AGBL4: variants seen among roughly 807,000 people sequenced by gnomAD.
The protein encoded by AGBL4 is AGBL carboxypeptidase 4, also known as cytosolic carboxypeptidase 6.
In AGBL4, 58 loss-of-function variants were observed where a neutral mutation model predicts 66.4. The observed-to-expected ratio is 0.87, with a 90% CI of 0.71 to 1.09. The LOEUF (loss-of-function observed/expected upper bound fraction) is 1.09, where lower values mean the gene tolerates loss of function less well. Among genes scored for constraint, AGBL4 ranks in the 50% least tolerant of loss-of-function variants. AGBL4 has a pLI of 0.00. For synonymous variants in AGBL4, 234 were observed against 222.9 expected (o/e 1.05, Z -0.44); for missense variants, 579 against 631.0 (o/e 0.92, Z 0.88).
chr1:49,426,256 A>C (rs537223281), intron 3 of AGBL4, among the ~76,000 whole-genome samples: 1 of 152,318 alleles, frequency 6.6e-6, no homozygotes, highest in East Asian at 1.9e-4. Flanking sequence ...ATGAGTTAAC[A>C]TTATTGCAGC....
intron 6 of AGBL4, among the ~76,000 whole-genome samples, chr1:48,709,203 C>T: frequency 6.6e-6 from 1 of 152,206 alleles, no homozygotes. Flanking sequence ...TCCGCCTTTC[C>T]TTTCACGAAG....
rs183493047 is a variant in AGBL4 at position 49,548,258 on chromosome 1, T to A, written c.282+149055A>T. ...TCGTATTGTCAGCAAACAGTGACCG[T>A]TTGACTTCCTCTTTACTGATTTGGA... On this transcript the variant is annotated intron_variant, in intron 3 of 13. Transcript: ENST00000371839. Among the ~76,000 whole-genome samples the A allele has an allele frequency of 2.0e-5, 3 of 152,356 alleles. No individual in the cohort carries two copies. In the East Asian group the frequency reaches 5.8e-4, roughly 29 times the overall value.
intron 5 of AGBL4, among the ~76,000 whole-genome samples, chr1:48,983,828 T>C (rs754188390): frequency 9.2e-5 from 14 of 152,094 alleles, no homozygotes; most frequent in Non-Finnish European, 2.1e-4. Flanking sequence ...AGAGAGTTGA[T>C]TGAAAAGATA....
chr1:48,565,674 C>A (rs2148305776), intron 11 of AGBL4, among the ~76,000 whole-genome samples: 1 of 152,238 alleles, frequency 6.6e-6, no homozygotes, highest in East Asian at 1.9e-4. Flanking sequence ...GAATTCTGAC[C>A]CTCCACATCT....
chr1:49,299,610 A>ACTG (rs1385761269), intron 3 of AGBL4, among the ~76,000 whole-genome samples: 1 of 152,124 alleles, frequency 6.6e-6, no homozygotes, highest in Non-Finnish European at 1.5e-5. Context: ...TCCTTTCCAA[A>ACTG]CTGTATACCT....
intron 3 of AGBL4, among the ~76,000 whole-genome samples, chr1:49,645,739 A>G (rs187789027): frequency 6.7e-6 from 1 of 149,872 alleles, no homozygotes; most frequent in Admixed American, 6.7e-5. Flanking sequence ...ACACTCATAT[A>G]CCCCAATACC....
At chr1:48,574,572 T>G (rs1569850408) in intron 11 of AGBL4, among the ~76,000 whole-genome samples, 1 of 150,824 alleles carries the variant, frequency 6.6e-6, no homozygotes, top group East Asian at 1.9e-4. Flanking sequence ...CCAAGCATCC[T>G]TTACCTCCTC....
At chr1:49,925,058 G>A (rs1652628976) in intron 1 of AGBL4, among the ~76,000 whole-genome samples, 1 of 152,186 alleles carries the variant, frequency 6.6e-6, no homozygotes, top group Admixed American at 6.5e-5. Context: ...CCAGCGAGGT[G>A]GCTAAGGGAG....
intron 1 of AGBL4, among the ~76,000 whole-genome samples, chr1:49,880,826 G>A (rs113712585): frequency 3.3e-5 from 5 of 151,780 alleles, no homozygotes. Context: ...CGTGGGCGTA[G>A]GGCCCTCCGA....
At chr1:49,947,419 C>T (rs1280467634) in intron 1 of AGBL4, among the ~76,000 whole-genome samples, 1 of 151,846 alleles carries the variant, frequency 6.6e-6, no homozygotes, top group African/African-American at 2.4e-5. Context: ...TGATACACCA[C>T]ATAAACAATT....
chr1:49,729,950 A>G (rs1413395104), intron 2 of AGBL4, among the ~76,000 whole-genome samples: 1 of 152,016 alleles, frequency 6.6e-6, no homozygotes. Context: ...GATAGAGTCC[A>G]TGACCCGAGT....
intron 4 of AGBL4, among the ~76,000 whole-genome samples, chr1:49,198,620 G>C (rs375864347): frequency 2.0e-5 from 3 of 152,094 alleles, no homozygotes; most frequent in African/African-American, 4.8e-5. Context: ...GATTACGGGC[G>C]TGAAGCACAC....
chr1:49,777,196 C>A (rs996901773), intron 2 of AGBL4, among the ~76,000 whole-genome samples: 1 of 152,034 alleles, frequency 6.6e-6, no homozygotes, highest in African/African-American at 2.4e-5. Context: ...ACAATTACTT[C>A]ATAGAAACTG....
At chr1:49,670,955 A>G (rs1163803152) in intron 3 of AGBL4, among the ~76,000 whole-genome samples, 3 of 152,188 alleles carry the variant, frequency 2.0e-5, no homozygotes, top group African/African-American at 7.2e-5. Context: ...CAAACTACCA[A>G]TGGCATTCTT....
intron 6 of AGBL4, among the ~76,000 whole-genome samples, chr1:48,687,576 C>A (rs1646555633): frequency 6.6e-6 from 1 of 152,198 alleles, no homozygotes; most frequent in South Asian, 2.1e-4. Flanking sequence ...TCAGATGGGG[C>A]TGACCAGGCT....
In AGBL4 at chr1:48,628,967, C is replaced by T. The variant is rs537155328; in HGVS notation, c.951+5526G>A. 5.9e-3 allele frequency among the ~76,000 whole-genome samples: 504 copies of T among 86,082 alleles called. 5 individuals carry two copies. The highest frequency in any genetic ancestry group is 3.7e-3 in the Non-Finnish European group (138 of 36,992). 56.5% of individuals were successfully genotyped at this position (86,082 alleles called of 152,430 possible). A position where few individuals can be genotyped will look rare whatever the true frequency, so the allele number is the denominator to read the frequency against. ...TTCTCATCAGATTGTAAGCTTCTCC[C>T]GACTGGGACTCTGCCCTATTAATCT... is the stretch of plus-strand genomic sequence containing the variant. On this transcript the variant is annotated intron_variant, in intron 9 of 13. Coordinates refer to ENST00000371839, the MANE Select transcript of AGBL4 (RefSeq NM_032785.4).
At chr1:48,964,963 G>A (rs1305791282) in intron 5 of AGBL4, among the ~76,000 whole-genome samples, 2 of 152,226 alleles carry the variant, frequency 1.3e-5, no homozygotes, top group South Asian at 2.1e-4. Flanking sequence ...CCAAGTTGTT[G>A]CCTCAAAAGT....
At chr1:49,530,985 A>G (rs144517628) in intron 3 of AGBL4, among the ~76,000 whole-genome samples, 1 of 152,242 alleles carries the variant, frequency 6.6e-6, no homozygotes, top group African/African-American at 2.4e-5. Context: ...ATATGTAAAT[A>G]CCTAGGTCAA....
chr1:49,942,955 AAT>A (rs1327431273), intron 1 of AGBL4, among the ~76,000 whole-genome samples: 1 of 152,200 alleles, frequency 6.6e-6, no homozygotes, highest in African/African-American at 2.4e-5. Context: ...CAAATAATTC[AAT>A]ATCAATCAAT....
Sources: allele counts gnomAD v4.1 joint callset (sites outside exome capture counted in the v4.1 genomes callset), GRCh38; gene constraint gnomAD v4.1.1; transcripts MANE v1.5; gene names NCBI Gene and HGNC (gene_info 2026-07-23, HGNC 2026-07-21).